Variants in SMARCA2 observed in about 807,000 individuals in gnomAD.
SMARCA2 encodes the protein SWI/SNF related BAF chromatin remodeling complex subunit ATPase 2.
A neutral mutation model predicts 199.8 loss-of-function variants in SMARCA2; 61 were observed. The observed-to-expected ratio is 0.31, with a 90% CI of 0.25 to 0.38. The LOEUF (loss-of-function observed/expected upper bound fraction) is 0.38. Among genes scored for constraint, SMARCA2 ranks in the 10% least tolerant of loss-of-function variants. The pLI is 1.00. For synonymous variants in SMARCA2, 935 were observed against 732.0 expected (o/e 1.28, Z -4.48); for missense variants, 1,344 against 2,012.2 (o/e 0.67, Z 6.35).
At chr9:2,151,557 C>A (rs1825082138) in intron 27 of SMARCA2, among the ~76,000 whole-genome samples, 1 of 151,850 alleles carries the variant, frequency 6.6e-6, no homozygotes, top group African/African-American at 2.4e-5. Flanking sequence ...CACAGTGAAA[C>A]CCCGTCTTTA....
At chr9:2,184,511 C>G (rs1827290364) in intron 31 of SMARCA2, among the ~76,000 whole-genome samples, 1 of 151,550 alleles carries the variant, frequency 6.6e-6, no homozygotes, top group African/African-American at 2.4e-5. Flanking sequence ...ACCACCATGC[C>G]CGGCTAATTT....
chr9:2,152,576 G>C (rs1447569353), intron 27 of SMARCA2, among the ~76,000 whole-genome samples: 5 of 149,940 alleles, frequency 3.3e-5, no homozygotes, highest in African/African-American at 1.2e-4. Flanking sequence ...ATAAGGTCGG[G>C]TGCATTGGCT....
chr9:2,018,255 G>A (rs1292587561), intron 1 of SMARCA2, among the ~76,000 whole-genome samples: 1 of 152,224 alleles, frequency 6.6e-6, no homozygotes, highest in South Asian at 2.1e-4. Flanking sequence ...TGTCTGCACC[G>A]GGTGTTATGT....
chr9:2,178,911 A>G (rs1263982624), intron 29 of SMARCA2, among the ~76,000 whole-genome samples: 3 of 152,224 alleles, frequency 2.0e-5, no homozygotes, highest in Non-Finnish European at 4.4e-5. Context: ...TGTCTGTAAG[A>G]GAACCCCACC....
At chr9:2,046,423 C>T (rs1396679212) in intron 4 of SMARCA2, among the ~76,000 whole-genome samples, 1 of 152,096 alleles carries the variant, frequency 6.6e-6, no homozygotes, top group Non-Finnish European at 1.5e-5. Flanking sequence ...TAATATTTGC[C>T]AATTTTTATT....
chr9:2,072,664 G>T (rs1024774313), intron 10 of SMARCA2, among the ~76,000 whole-genome samples: 1 of 152,172 alleles, frequency 6.6e-6, no homozygotes, highest in Non-Finnish European at 1.5e-5. Flanking sequence ...TGAGGAATGG[G>T]GATTGTTAGT....
At chr9:2,154,083 A>C (rs1308197165) in intron 27 of SMARCA2, among the ~76,000 whole-genome samples, 1 of 152,232 alleles carries the variant, frequency 6.6e-6, no homozygotes, top group African/African-American at 2.4e-5. Flanking sequence ...TCATCTTCTT[A>C]CTATGATATG....
At position 2,097,606 on chromosome 9, in the gene SMARCA2, C is replaced by G. The variant is rs918703190; in HGVS notation, c.3078+135C>G. The G allele has an allele frequency of 1.0e-5, 6 of 578,404 alleles. No homozygotes were observed. The African/African-American group carries it at 1.1e-4, about 11-fold the overall frequency. The allele number at this position is 578,404 out of a possible 1,614,324, so 35.8% of individuals were successfully genotyped here. On this transcript the variant is annotated intron_variant, in intron 21 of 33. Transcript: ENST00000349721. The stretch of plus-strand genomic sequence containing the variant: ...TTGGCGGAAGTTGAGATGACATGAT[C>G]TGATAGCTCGACAAGCAGAATTAAC...
At chr9:2,186,502 T>C (rs1281788913) in intron 32 of SMARCA2, among the ~76,000 whole-genome samples, 1 of 152,144 alleles carries the variant, frequency 6.6e-6, no homozygotes, top group Non-Finnish European at 1.5e-5. Context: ...TTATTTCTTT[T>C]ATTTATTTAT....
intron 12 of SMARCA2, 89 bp downstream of exon 12, chr9:2,073,712 C>A: frequency 1.1e-6 from 1 of 934,102 alleles, no homozygotes; most frequent in Non-Finnish European, 1.7e-6. Flanking sequence ...GCCTTGGGTC[C>A]TTCTATCATT....
At chr9:2,129,042 G>A (rs1346037849) in intron 27 of SMARCA2, among the ~76,000 whole-genome samples, 1 of 152,136 alleles carries the variant, frequency 6.6e-6, no homozygotes, top group East Asian at 1.9e-4. Context: ...AACCCTTTAG[G>A]CTTGATAATT....
chr9:2,184,688 C>T (rs1043367492), intron 31 of SMARCA2, among the ~76,000 whole-genome samples: 3 of 152,070 alleles, frequency 2.0e-5, no homozygotes, highest in African/African-American at 7.2e-5. Context: ...GACATCAATA[C>T]AATTCCCAGA....
At position 2,076,332 on chromosome 9, in the gene SMARCA2, A is replaced by G. The variant is rs1201984462; in HGVS notation, c.2036+3A>G. The G allele has an allele frequency of 4.6e-6, 7 of 1,515,886 alleles. No homozygotes were observed. The highest frequency in any genetic ancestry group is 6.4e-6 in the Non-Finnish European group (7 of 1,092,056). The allele number at this position is 1,515,886 out of a possible 1,614,324, so 93.9% of individuals were successfully genotyped here. Reference sequence around the variant, plus strand: ...AAGGATGCTAAGCAGATCATTGAGTATGTACTGCATTTTTCCCTTGGAAAT... The same window carrying G: ...AAGGATGCTAAGCAGATCATTGAGTGTGTACTGCATTTTTCCCTTGGAAAT... On this transcript the variant is annotated splice_donor_region_variant and intron_variant, in intron 13 of 33. Coordinates refer to ENST00000349721, the MANE Select transcript of SMARCA2 (RefSeq NM_003070.5).
chr9:2,115,926 C>T lies in SMARCA2; in HGVS notation c.3561C>T (p.Ala1187=). Residue 1187 remains alanine (A), a synonymous_variant, in exon 25 of 34, where the codon GCC becomes GCT. Transcript: ENST00000349721. This position sits in a 1 kb window ranked among gnomAD's most constrained non-coding sequence, Gnocchi z 6.0. Reference sequence around the variant, plus strand: ...GCGTGGAGGAAAAGATCCTCGCGGCCGCAAAATACAAGCTGAACGTGGATC... The same window carrying T: ...GCGTGGAGGAAAAGATCCTCGCGGCTGCAAAATACAAGCTGAACGTGGATC... ...VNSVEEKILA[A]AKYKLNVDQK... is the part of the protein sequence containing the mutation. 2 of 1,614,012 alleles carry T rather than the reference C, an allele frequency of 1.2e-6. No homozygotes were observed. The highest frequency in any genetic ancestry group is 1.7e-6 in the Non-Finnish European group (2 of 1,180,006).
At chr9:2,136,579 A>T (rs1394998903) in intron 27 of SMARCA2, among the ~76,000 whole-genome samples, 1 of 152,150 alleles carries the variant, frequency 6.6e-6, no homozygotes, top group Non-Finnish European at 1.5e-5. Flanking sequence ...CATTTGTCAA[A>T]CATTGATTAG....
In SMARCA2 at chr9:2,039,607, A is replaced by C. The variant is rs1042651235; in HGVS notation, c.497A>C (p.Gln166Pro). Residue 166 changes from glutamine to proline, a missense_variant, in exon 4 of 34, where the codon CAG becomes CCG. Gln to Pro is a moderately conservative substitution (Grantham distance 76, BLOSUM62 -1). This residue lies in a region of SMARCA2 where 275 missense variants were observed against 247.5 expected (regional missense o/e 1.11). Coordinates refer to ENST00000349721, the MANE Select transcript of SMARCA2 (RefSeq NM_003070.5). The surrounding 1 kb of genome is among the most constrained non-coding windows in gnomAD (Gnocchi z 4.8). ...CCAGGTGATCCGCAGGCCATGAGCCAGCCCAACAGAGGTCCCTCACCTTTC... is the reference window on the plus strand; with the variant it reads ...CCAGGTGATCCGCAGGCCATGAGCCCGCCCAACAGAGGTCCCTCACCTTTC... ...LIPGDPQAMS[Q>P]PNRGPSPFSP... 6.2e-7 allele frequency: 1 copy of C among 1,614,106 alleles called. No individual in the cohort carries two copies. Among genetic ancestry groups the C allele is most frequent in the Non-Finnish European group, 8.5e-7 (1 of 1,180,058 alleles).
At chr9:2,091,387 G>T (rs536080701) in intron 19 of SMARCA2, among the ~76,000 whole-genome samples, 21 of 152,062 alleles carry the variant, frequency 1.4e-4, no homozygotes, top group Non-Finnish European at 2.4e-4. Context: ...CTTTTGCATG[G>T]TTTTTTTTAA....
intron 9 of SMARCA2, among the ~76,000 whole-genome samples, chr9:2,061,773 A>C (rs112088386): frequency 6.6e-6 from 1 of 152,240 alleles, no homozygotes; most frequent in South Asian, 2.1e-4. Flanking sequence ...GCATTTAATC[A>C]TTCATTCTGT....
intron 32 of SMARCA2, among the ~76,000 whole-genome samples, 165 bp from the exon 33 acceptor site, chr9:2,191,100 AG>A (rs1827847510): frequency 6.6e-6 from 1 of 152,186 alleles, no homozygotes; most frequent in Non-Finnish European, 1.5e-5. Context: ...GGCAAGTGAA[AG>A]GGGTCGCTGA....
Sources: gnomAD v4.1 joint callset for allele counts (sites outside exome capture counted in the v4.1 genomes callset) on GRCh38, gnomAD v4.1.1 for gene constraint, gnomAD v4.1.1 regional missense constraint, Gnocchi (gnomAD v3.1) non-coding constraint, MANE v1.5 for transcripts, NCBI Gene and HGNC (gene_info 2026-07-23, HGNC 2026-07-21) for gene names.